The following ZC3H12B variants were observed in gnomAD, a reference collection of about 807,000 sequenced individuals.
ZC3H12B encodes probable ribonuclease ZC3H12B.
ZC3H12B carries 7 observed loss-of-function variants against 43.9 expected under a neutral mutation model. That is an observed-to-expected ratio of 0.16 (90% CI 0.09 to 0.30). ZC3H12B has a LOEUF of 0.30. Ranked by LOEUF, ZC3H12B falls within the 10% of genes least tolerant of loss-of-function variation. The probability of loss-of-function intolerance (pLI) is 1.00; values close to 1 mark genes in which losing one functional copy is unlikely to be tolerated. For synonymous variants in ZC3H12B, 222 were observed against 241.7 expected, an observed-to-expected ratio of 0.92 and a Z score of 0.76; for missense variants, 475 against 670.2, an observed-to-expected ratio of 0.71 and a Z score of 3.22.
At chrX:65,169,425 A>T in the ZC3H12B span, among the ~76,000 whole-genome samples, 1 of 111,722 alleles carries the variant, frequency 9.0e-6, no homozygotes, top group African/African-American at 3.3e-5. Context: ...CTGTTATTTT[A>T]CATTTGCTGA....
chrX:65,386,381 G>T (rs775167838), intron 2 of ZC3H12B, among the ~76,000 whole-genome samples: 2 of 111,687 alleles, frequency 1.8e-5, no homozygotes, highest in African/African-American at 3.3e-5. Flanking sequence ...TTGGCAGGGT[G>T]TATGTGTCCA....
intron 3 of ZC3H12B, among the ~76,000 whole-genome samples, chrX:65,442,215 A>G (rs2067310649): frequency 9.1e-6 from 1 of 109,556 alleles, no homozygotes. Context: ...ATAATCAACT[A>G]AATGTGCTTT....
chrX:65,264,317 A>T, the ZC3H12B span, among the ~76,000 whole-genome samples: 2 of 112,128 alleles, frequency 1.8e-5, no homozygotes, highest in African/African-American at 6.5e-5. Flanking sequence ...AAGCAAAAAA[A>T]AATTGAGTGT....
chrX:65,472,675 A>T (rs1434695455), intron 3 of ZC3H12B, among the ~76,000 whole-genome samples: 1 of 106,331 alleles, frequency 9.4e-6, no homozygotes, highest in African/African-American at 3.4e-5. Flanking sequence ...TATTGAAGAG[A>T]CTGTTTTTCC....
chrX:65,275,153 A>G, the ZC3H12B span, among the ~76,000 whole-genome samples: 2 of 112,856 alleles, frequency 1.8e-5, no homozygotes, highest in Admixed American at 9.3e-5. Context: ...CCAGCTAAGC[A>G]GCTGTGCAAC....
rs191322249 is a variant in ZC3H12B at position 65,391,296 on chromosome X, A to C, written n.296-7297A>C. On this transcript the variant is annotated intron_variant and non_coding_transcript_variant, in intron 2 of 5. Transcript: ENST00000617377. Reference sequence around the variant, plus strand: ...GGGAAAAAAGATGGAGACAAATATAATTTTCTGACATAAAAAATTAAGTTA... The same window carrying C: ...GGGAAAAAAGATGGAGACAAATATACTTTTCTGACATAAAAAATTAAGTTA... Among the ~76,000 whole-genome samples the C allele has an allele frequency of 5.0e-4, 56 of 112,178 alleles. 1 individual carries two copies. Among genetic ancestry groups the C allele is most frequent in the African/African-American group, 1.8e-3 (55 of 30,920 alleles).
chrX:65,393,998 C>G (rs1195867407), intron 2 of ZC3H12B, among the ~76,000 whole-genome samples: 2 of 112,239 alleles, frequency 1.8e-5, no homozygotes, highest in Admixed American at 1.9e-4. Flanking sequence ...TAAATGTCTT[C>G]TTTTGAGAAG....
At chrX:65,289,144 G>A in the ZC3H12B span, among the ~76,000 whole-genome samples, 1 of 111,010 alleles carries the variant, frequency 9.0e-6, no homozygotes, top group Non-Finnish European at 1.9e-5. Flanking sequence ...AAAAGTTAAT[G>A]TTATTAAAGT....
At chrX:65,250,435 C>G in the ZC3H12B span, among the ~76,000 whole-genome samples, 1 of 111,569 alleles carries the variant, frequency 9.0e-6, no homozygotes, top group Non-Finnish European at 1.9e-5. Flanking sequence ...GATTTATAAT[C>G]CTTTGGGTAT....
the ZC3H12B span, among the ~76,000 whole-genome samples, chrX:65,264,767 A>G: frequency 8.9e-6 from 1 of 111,777 alleles, no homozygotes; most frequent in South Asian, 3.7e-4. Context: ...TTTCTAAGTC[A>G]AAATGTCTGT....
chrX:65,428,764 A>G (rs1375992679), intron 3 of ZC3H12B, among the ~76,000 whole-genome samples: 1 of 112,266 alleles, frequency 8.9e-6, no homozygotes, highest in Non-Finnish European at 1.9e-5. Context: ...TATTTCAGCC[A>G]TCTCAGCCTC....
the ZC3H12B span, among the ~76,000 whole-genome samples, chrX:65,196,012 A>G: frequency 8.9e-6 from 1 of 111,816 alleles, no homozygotes; most frequent in Non-Finnish European, 1.9e-5. Context: ...CTCAGCTTGG[A>G]GCCTGTAAGT....
chrX:65,434,373 TC>T (rs945626667), intron 3 of ZC3H12B, among the ~76,000 whole-genome samples: 4 of 112,216 alleles, frequency 3.6e-5, no homozygotes, highest in Non-Finnish European at 7.5e-5. Flanking sequence ...TTGAATCCCT[TC>T]CTCTATGTTA....
chrX:65,188,100 C>A, the ZC3H12B span, among the ~76,000 whole-genome samples: 1 of 111,264 alleles, frequency 9.0e-6, no homozygotes, highest in African/African-American at 3.3e-5. Context: ...AACATAATGA[C>A]CTCCAATTCC....
chrX:65,064,049 T>G, the ZC3H12B span, among the ~76,000 whole-genome samples: 9,195 of 111,757 alleles, frequency 0.082, 1,028 homozygotes, highest in African/African-American at 0.29. Context: ...TTCTTTCTTT[T>G]CTTCTTTATT....
At chrX:65,058,303 A>G in the ZC3H12B span, among the ~76,000 whole-genome samples, 1 of 111,569 alleles carries the variant, frequency 9.0e-6, no homozygotes, top group South Asian at 3.7e-4. Context: ...TACAGTCAGG[A>G]CCCTCAGCTG....
the ZC3H12B span, among the ~76,000 whole-genome samples, chrX:65,174,949 A>G: frequency 9.0e-6 from 1 of 111,160 alleles, no homozygotes; most frequent in Non-Finnish European, 1.9e-5. Context: ...CAAAAAAAAA[A>G]AACTCCTGCA....
At position 65,420,804 on chromosome X, in the gene ZC3H12B, T is replaced by C. The variant is rs758813281; in HGVS notation, n.407+22100T>C. Among the ~76,000 whole-genome samples the C allele has an allele frequency of 5.3e-5, 6 of 112,584 alleles. No individual in the cohort carries two copies. In the South Asian group the frequency reaches 2.2e-3, roughly 42 times the overall value. On this transcript the variant is annotated intron_variant and non_coding_transcript_variant, in intron 3 of 5. Transcript: ENST00000617377. The stretch of plus-strand genomic sequence containing the variant: ...TTGGAGGAATGACAAAGGATTATCA[T>C]AAGCTTAACCAGGTGGTAATTTCAA...
the ZC3H12B span, among the ~76,000 whole-genome samples, chrX:65,153,460 C>G: frequency 8.9e-6 from 1 of 112,221 alleles, no homozygotes; most frequent in African/African-American, 3.2e-5. Flanking sequence ...ATTTATGCAG[C>G]CAAAAAACAC....
Sources: gnomAD v4.1 joint callset for allele counts (sites outside exome capture counted in the v4.1 genomes callset) on GRCh38, gnomAD v4.1.1 for gene constraint, MANE v1.5 for transcripts, NCBI Gene and HGNC (gene_info 2026-07-23, HGNC 2026-07-21) for gene names.